NEGR1: variants seen among roughly 807,000 people sequenced by gnomAD.
NEGR1 encodes IgLON family member 4.
A neutral mutation model predicts 40.9 loss-of-function variants in NEGR1; 10 were observed. That is an observed-to-expected ratio of 0.24 (90% CI 0.15 to 0.42). The LOEUF is 0.42. NEGR1 is among the 10% of genes least tolerant of loss of function. The probability of loss-of-function intolerance (pLI) is 1.00; values close to 1 mark genes in which losing one functional copy is unlikely to be tolerated. For missense variants in NEGR1, 352 were observed against 438.9 expected (o/e 0.80, Z 1.77); for synonymous variants, 185 against 166.8 (o/e 1.11, Z -0.84).
chr1:71,638,359 G>C (rs1651231859), intron 4 of NEGR1, among the ~76,000 whole-genome samples: 1 of 151,940 alleles, frequency 6.6e-6, no homozygotes, highest in Non-Finnish European at 1.5e-5. Context: ...AAGTTCTCTA[G>C]CCTTCATAAG....
chr1:72,068,236 T>C (rs1272025878), intron 1 of NEGR1, among the ~76,000 whole-genome samples: 1 of 152,214 alleles, frequency 6.6e-6, no homozygotes, highest in South Asian at 2.1e-4. Flanking sequence ...AGTGCTTGAA[T>C]CAGGAAAACG....
intron 2 of NEGR1, among the ~76,000 whole-genome samples, chr1:71,861,126 C>A (rs1209522851): frequency 6.6e-6 from 1 of 152,020 alleles, no homozygotes; most frequent in Admixed American, 6.6e-5. Flanking sequence ...TGTTTCAGAT[C>A]ACAGTCTCTG....
intron 1 of NEGR1, among the ~76,000 whole-genome samples, chr1:71,945,875 A>G (rs1570539538): frequency 1.3e-5 from 2 of 152,308 alleles, no homozygotes; most frequent in South Asian, 4.1e-4. Flanking sequence ...AGGTTTATAA[A>G]GTTATAAAGT....
At chr1:71,764,736 C>A (rs1656062700) in intron 3 of NEGR1, among the ~76,000 whole-genome samples, 1 of 152,148 alleles carries the variant, frequency 6.6e-6, no homozygotes, top group Non-Finnish European at 1.5e-5. Context: ...CTTACAACTA[C>A]ATGAGAAGTT....
chr1:71,451,320 A>G (rs1646626240), intron 6 of NEGR1, among the ~76,000 whole-genome samples: 1 of 147,826 alleles, frequency 6.8e-6, no homozygotes, highest in African/African-American at 2.5e-5. Flanking sequence ...AGAGGCACAC[A>G]GTAGTGCTAC....
chr1:72,009,071 T>C (rs1557481243), intron 1 of NEGR1, among the ~76,000 whole-genome samples: 1 of 151,790 alleles, frequency 6.6e-6, no homozygotes, highest in African/African-American at 2.4e-5. Context: ...TATGATCTAA[T>C]ATGTTATGGC....
chr1:71,746,885 C>G (rs369522549), intron 3 of NEGR1, among the ~76,000 whole-genome samples: 1 of 152,164 alleles, frequency 6.6e-6, no homozygotes, highest in Non-Finnish European at 1.5e-5. Flanking sequence ...CTCTCAAATG[C>G]CTTTCAGGCA....
rs144465492 is a variant in NEGR1, at chr1:71,866,339, G to A, written c.409+68740C>T. Among the ~76,000 whole-genome samples the A allele has an allele frequency of 3.0e-3, 456 of 152,196 alleles. 4 individuals are homozygous for A. The highest frequency in any genetic ancestry group is 0.011 in the African/African-American group (440 of 41,552). ...CAGAGGAAGTATTGGAATTGTTTTT[G>A]ACATAATGTTCCATAACATATCATA... is the stretch of plus-strand genomic sequence containing the variant. On this transcript the variant is annotated intron_variant, in intron 2 of 6. Coordinates refer to ENST00000357731, the MANE Select transcript of NEGR1 (RefSeq NM_173808.3).
chr1:71,626,482 G>T (rs1003145790), intron 4 of NEGR1, among the ~76,000 whole-genome samples: 2 of 151,002 alleles, frequency 1.3e-5, no homozygotes, highest in Non-Finnish European at 2.9e-5. Context: ...TGTCCTTGCA[G>T]TAGTTTGCTG....
intron 1 of NEGR1, among the ~76,000 whole-genome samples, chr1:71,977,836 AAAAG>A (rs1646320242): frequency 6.6e-6 from 1 of 151,186 alleles, no homozygotes; most frequent in African/African-American, 2.4e-5. Flanking sequence ...AAAAAAAAGT[AAAAG>A]AAAGAAAATA....
intron 6 of NEGR1, among the ~76,000 whole-genome samples, chr1:71,529,574 A>C (rs1174485315): frequency 6.6e-6 from 1 of 151,274 alleles, no homozygotes; most frequent in Non-Finnish European, 1.5e-5. Flanking sequence ...CATAAATATT[A>C]AAATACACTT....
intron 1 of NEGR1, among the ~76,000 whole-genome samples, chr1:72,042,805 A>T (rs1646967778): frequency 6.6e-6 from 1 of 152,014 alleles, no homozygotes; most frequent in East Asian, 1.9e-4. Flanking sequence ...TTCTGACTAA[A>T]TATTACCAGG....
rs954418852 is a variant in NEGR1, at chr1:71,401,604, G to C, written c.*5842C>G. ...CCAGCACAAACAGATGTTCATGTTA[G>C]TATTTCAATATAAATGGCCTCAAAC... On this transcript the variant is annotated 3_prime_UTR_variant, in exon 7 of 7. Transcript: ENST00000357731. 1 of 152,100 alleles carries C rather than the reference G, an allele frequency of 6.6e-6. No homozygotes were observed. Among genetic ancestry groups the C allele is most frequent in the Middle Eastern group, 3.2e-3 (1 of 316 alleles). The allele number at this position is 152,100 out of a possible 1,614,324, so 9.4% of individuals were successfully genotyped here. A position where few individuals can be genotyped will look rare whatever the true frequency, so the allele number is the denominator to read the frequency against.
At chr1:71,778,763 C>T (rs1656600690) in intron 2 of NEGR1, among the ~76,000 whole-genome samples, 1 of 152,040 alleles carries the variant, frequency 6.6e-6, no homozygotes, top group Admixed American at 6.5e-5. Context: ...GAATTCCATC[C>T]TCGAAATACC....
chr1:71,592,780 G>T (rs1649545521), intron 6 of NEGR1, 37 bp downstream of exon 6: 1 of 1,564,392 alleles, frequency 6.4e-7, no homozygotes, highest in Non-Finnish European at 8.7e-7. Flanking sequence ...GGGCCCAGAG[G>T]CCCCTGGAAG....
intron 2 of NEGR1, among the ~76,000 whole-genome samples, chr1:71,867,316 G>A (rs779101357): frequency 8.5e-5 from 13 of 152,232 alleles, no homozygotes; most frequent in Non-Finnish European, 1.5e-4. Context: ...GGAGGTTGCA[G>A]TGAGTCGACA....
chr1:71,782,771 T>A (rs1385330714), intron 2 of NEGR1, among the ~76,000 whole-genome samples: 3 of 152,172 alleles, frequency 2.0e-5, no homozygotes, highest in Admixed American at 2.0e-4. Context: ...AATGTAATTA[T>A]AATTTCAAGG....
intron 2 of NEGR1, among the ~76,000 whole-genome samples, chr1:71,867,048 T>C (rs940301838): frequency 2.0e-4 from 31 of 152,116 alleles, no homozygotes; most frequent in African/African-American, 7.5e-4. Flanking sequence ...GGGAAAATAC[T>C]GAAAAGAAAG....
At chr1:71,644,983 T>A (rs1211873161) in intron 4 of NEGR1, among the ~76,000 whole-genome samples, 2 of 151,900 alleles carry the variant, frequency 1.3e-5, no homozygotes, top group South Asian at 4.1e-4. Context: ...TCTACTGGCT[T>A]TCCTACTAGC....
Sources: allele counts gnomAD v4.1 joint callset (sites outside exome capture counted in the v4.1 genomes callset), GRCh38; gene constraint gnomAD v4.1.1; transcripts MANE v1.5; gene names NCBI Gene and HGNC (gene_info 2026-07-23, HGNC 2026-07-21).